SUGCT: variants seen among roughly 807,000 people sequenced by gnomAD.
SUGCT encodes succinyl-CoA:glutarate CoA-transferase.
Under a neutral mutation model 55.0 loss-of-function variants are expected in SUGCT, and 41 were observed. The observed-to-expected ratio is 0.74, with a 90% CI of 0.58 to 0.97. The LOEUF is 0.97. Among genes scored for constraint, SUGCT ranks in the 50% least tolerant of loss-of-function variants. SUGCT has a pLI of 0.00. For synonymous variants in SUGCT, 187 were observed against 200.4 expected, an observed-to-expected ratio of 0.93 and a Z score of 0.56; for missense variants, 568 against 547.8, an observed-to-expected ratio of 1.04 and a Z score of -0.37.
At chr7:40,601,429 T>C (rs1402894507) in intron 12 of SUGCT, among the ~76,000 whole-genome samples, 1 of 152,186 alleles carries the variant, frequency 6.6e-6, no homozygotes, top group African/African-American at 2.4e-5. Context: ...TGTAATGGAT[T>C]TCTGAGTGAT....
At chr7:40,349,274 G>A (rs1233041465) in intron 9 of SUGCT, among the ~76,000 whole-genome samples, 1 of 152,110 alleles carries the variant, frequency 6.6e-6, no homozygotes, top group Non-Finnish European at 1.5e-5. Flanking sequence ...CTCATCAGGG[G>A]AACTATGTCT....
At chr7:40,374,390 G>A (rs1357032918) in intron 9 of SUGCT, among the ~76,000 whole-genome samples, 2 of 152,142 alleles carry the variant, frequency 1.3e-5, no homozygotes, top group Admixed American at 6.6e-5. Context: ...TAAGTCACAA[G>A]TAAATAAGTG....
At chr7:40,306,666 T>G (rs535675150) in intron 8 of SUGCT, among the ~76,000 whole-genome samples, 5 of 152,200 alleles carry the variant, frequency 3.3e-5, no homozygotes, top group Admixed American at 1.3e-4. Context: ...AAAAAGTATT[T>G]GAAGAAGACA....
intron 12 of SUGCT, 63 bp downstream of exon 12, chr7:40,496,449 C>T: frequency 8.9e-7 from 1 of 1,127,014 alleles, no homozygotes; most frequent in Non-Finnish European, 1.3e-6. Context: ...ATCAAGGTAC[C>T]TTTGCCATTG....
intron 12 of SUGCT, among the ~76,000 whole-genome samples, chr7:40,512,799 T>C (rs1213659085): frequency 6.6e-6 from 1 of 152,126 alleles, no homozygotes; most frequent in Non-Finnish European, 1.5e-5. Flanking sequence ...GTTGTATGCA[T>C]GGCCAGAGGA....
chr7:40,535,273 T>C (rs574228132), intron 12 of SUGCT, among the ~76,000 whole-genome samples: 10 of 152,316 alleles, frequency 6.6e-5, no homozygotes, highest in Admixed American at 2.0e-4. Context: ...GTGCTGAGCA[T>C]GATACTCAAT....
chr7:40,331,198 G>C (rs1256283321), intron 9 of SUGCT, among the ~76,000 whole-genome samples: 1 of 152,146 alleles, frequency 6.6e-6, no homozygotes, highest in Non-Finnish European at 1.5e-5. Context: ...TTAAATCATG[G>C]AAAACAAGCC....
chr7:41,037,462 G>C, the SUGCT span, among the ~76,000 whole-genome samples: 1 of 149,804 alleles, frequency 6.7e-6, no homozygotes, highest in South Asian at 2.1e-4. Context: ...TAATTCTCAA[G>C]AAGATTCTAG....
the SUGCT span, among the ~76,000 whole-genome samples, chr7:40,870,415 T>A: frequency 6.6e-6 from 1 of 152,110 alleles, no homozygotes. Context: ...TGCCATCAAA[T>A]CTCCTTCTGC....
At chr7:40,765,342 A>C (rs1350645489) in intron 13 of SUGCT, among the ~76,000 whole-genome samples, 1 of 152,060 alleles carries the variant, frequency 6.6e-6, no homozygotes, top group Non-Finnish European at 1.5e-5. Flanking sequence ...TCTTCATTTC[A>C]AAAAAAGTAA....
At chr7:40,297,386 T>G (rs1432388187) in intron 8 of SUGCT, among the ~76,000 whole-genome samples, 3 of 152,160 alleles carry the variant, frequency 2.0e-5, no homozygotes, top group Non-Finnish European at 4.4e-5. Flanking sequence ...CAACCAAAAT[T>G]AAATGAAACA....
At chr7:40,318,162 T>C (rs538177380) in intron 9 of SUGCT, among the ~76,000 whole-genome samples, 1 of 152,320 alleles carries the variant, frequency 6.6e-6, no homozygotes, top group South Asian at 2.1e-4. Flanking sequence ...GATACCTAGA[T>C]TGGGCAGATG....
chr7:40,791,016 G>A (rs535062758), intron 13 of SUGCT, among the ~76,000 whole-genome samples: 2 of 152,304 alleles, frequency 1.3e-5, no homozygotes, highest in South Asian at 2.1e-4. Context: ...ATATGGAGGA[G>A]CTAACAGATG....
chr7:40,135,523 C>T (rs987934788), intron 1 of SUGCT, among the ~76,000 whole-genome samples: 4 of 152,222 alleles, frequency 2.6e-5, no homozygotes, highest in Non-Finnish European at 5.9e-5. Flanking sequence ...TAAAAGATGC[C>T]CTTGTACAGT....
chr7:40,347,736 A>T (rs1442663886), intron 9 of SUGCT, among the ~76,000 whole-genome samples: 1 of 152,198 alleles, frequency 6.6e-6, no homozygotes, highest in Non-Finnish European at 1.5e-5. Context: ...CTGTGAATCA[A>T]TTTGCTAGCT....
chr7:40,138,198 C>T (rs900094384), intron 1 of SUGCT, among the ~76,000 whole-genome samples: 2 of 152,136 alleles, frequency 1.3e-5, no homozygotes, highest in Non-Finnish European at 2.9e-5. Flanking sequence ...ACTCTGCTTC[C>T]ATATGTACGC....
intron 6 of SUGCT, among the ~76,000 whole-genome samples, chr7:40,225,034 G>A (rs551518903): frequency 6.6e-6 from 1 of 152,352 alleles, no homozygotes; most frequent in Non-Finnish European, 1.5e-5. Flanking sequence ...CTGCCTGCCT[G>A]TTGGGGTAGA....
At chr7:40,316,920 A>G in intron 9 of SUGCT, 65 bp downstream of exon 9, 1 of 572,754 alleles carries the variant, frequency 1.7e-6, no homozygotes, top group Non-Finnish European at 2.8e-6. Context: ...GTGTTTTTGG[A>G]AAATGATTTC....
chr7:40,950,084 G>A, the SUGCT span, among the ~76,000 whole-genome samples: 61 of 152,188 alleles, frequency 4.0e-4, no homozygotes, highest in African/African-American at 1.2e-3. Context: ...CTTCCTATCC[G>A]TGAGCATGGG....
Sources: allele counts gnomAD v4.1 joint callset (sites outside exome capture counted in the v4.1 genomes callset), GRCh38; gene constraint gnomAD v4.1.1; transcripts MANE v1.5; gene names NCBI Gene and HGNC (gene_info 2026-07-23, HGNC 2026-07-21).